Variants in PTPRD observed in about 807,000 individuals in gnomAD.
The protein encoded by PTPRD is receptor-type tyrosine-protein phosphatase delta.
A neutral mutation model predicts 214.5 loss-of-function variants in PTPRD; 34 were observed. That is an observed-to-expected ratio of 0.16 (90% CI 0.12 to 0.21). The LOEUF (loss-of-function observed/expected upper bound fraction) is 0.21, where lower values mean the gene tolerates loss of function less well. Ranked by LOEUF, PTPRD falls within the 10% of genes least tolerant of loss-of-function variation. The pLI is 1.00. For missense variants in PTPRD, 2,545 were observed against 2,398.7 expected, an observed-to-expected ratio of 1.06 and a Z score of -1.27; for synonymous variants, 1,128 against 845.7, an observed-to-expected ratio of 1.33 and a Z score of -5.79.
chr9:10,576,471 G>A (rs2069371151), intron 2 of PTPRD, among the ~76,000 whole-genome samples: 1 of 152,026 alleles, frequency 6.6e-6, no homozygotes, highest in Non-Finnish European at 1.5e-5. Flanking sequence ...GAAATTCAGG[G>A]TCCACGTAAA....
chr9:9,137,945 GC>G (rs1300768984), intron 10 of PTPRD, among the ~76,000 whole-genome samples: 2 of 152,114 alleles, frequency 1.3e-5, no homozygotes, highest in Non-Finnish European at 2.9e-5. Flanking sequence ...AAGAATTCAT[GC>G]ATCAGGTATT....
rs1852047299 is a variant in PTPRD, at chr9:8,341,129, C to T, written c.5087G>A (p.Gly1696Glu). The change falls in exon 41 of 46, where the codon GGA (glycine) becomes GAA (glutamate). Residue 1696 changes from glycine to glutamate, a missense_variant. Coordinates refer to ENST00000381196, the MANE Select transcript of PTPRD (RefSeq NM_002839.4). The stretch of plus-strand genomic sequence containing the variant: ...AAAACTGGCATTGATGTAATCAGAT[C>T]CTTCTACTCCACGGATAGGCTGCAG... ...VCLQPIRGVE[G>E]SDYINASFID... 3 of 1,612,386 alleles carry T rather than the reference C, an allele frequency of 1.9e-6. No homozygotes were observed. The highest frequency in any genetic ancestry group is 2.5e-6 in the Non-Finnish European group (3 of 1,179,140).
At chr9:8,884,168 C>T (rs117824097) in intron 11 of PTPRD, among the ~76,000 whole-genome samples, 1 of 152,330 alleles carries the variant, frequency 6.6e-6, no homozygotes, top group East Asian at 1.9e-4. Context: ...AAACCTAGCT[C>T]CATCTGATTC....
chr9:8,788,820 A>G (rs1210736085), intron 11 of PTPRD, among the ~76,000 whole-genome samples: 3 of 152,224 alleles, frequency 2.0e-5, no homozygotes, highest in Admixed American at 2.0e-4. Flanking sequence ...TTACTCAGGA[A>G]TTGATGCAAT....
intron 3 of PTPRD, among the ~76,000 whole-genome samples, chr9:10,067,477 TAGACAC>T (rs1279051536): frequency 6.6e-6 from 1 of 151,822 alleles, no homozygotes; most frequent in Non-Finnish European, 1.5e-5. Flanking sequence ...TGTGGAAACT[TAGACAC>T]AGAAGGATAA....
chr9:9,833,477 G>T (rs1364665044), intron 5 of PTPRD, among the ~76,000 whole-genome samples: 2 of 151,908 alleles, frequency 1.3e-5, no homozygotes, highest in African/African-American at 4.8e-5. Context: ...ACAGGACCGA[G>T]GCGAAATTAA....
chr9:8,792,435 T>C (rs1004503394), intron 11 of PTPRD, among the ~76,000 whole-genome samples: 1 of 152,290 alleles, frequency 6.6e-6, no homozygotes, highest in East Asian at 1.9e-4. Flanking sequence ...AACGGCTACC[T>C]TAGCTGTCCT....
At chr9:9,678,348 A>C (rs1023338209) in intron 7 of PTPRD, among the ~76,000 whole-genome samples, 14 of 152,196 alleles carry the variant, frequency 9.2e-5, no homozygotes, top group African/African-American at 2.9e-4. Context: ...CCAAAACAAC[A>C]TGGTACTGGT....
At chr9:9,092,481 G>A (rs146183341) in intron 10 of PTPRD, among the ~76,000 whole-genome samples, 3 of 151,912 alleles carry the variant, frequency 2.0e-5, no homozygotes, top group Non-Finnish European at 2.9e-5. Context: ...TCATGGACAA[G>A]GGAAGTGTAT....
At chr9:9,933,321 T>C (rs1602721317) in intron 5 of PTPRD, among the ~76,000 whole-genome samples, 1 of 152,072 alleles carries the variant, frequency 6.6e-6, no homozygotes, top group Non-Finnish European at 1.5e-5. Context: ...GTGTGCTGTA[T>C]TCAGGAAACC....
intron 2 of PTPRD, among the ~76,000 whole-genome samples, chr9:10,600,872 G>C (rs2077788147): frequency 6.6e-6 from 1 of 151,626 alleles, no homozygotes; most frequent in Non-Finnish European, 1.5e-5. Context: ...AAGAGAAAAT[G>C]CATATAATAT....
intron 4 of PTPRD, among the ~76,000 whole-genome samples, chr9:9,967,986 GC>G (rs1203511892): frequency 1.3e-5 from 2 of 152,062 alleles, no homozygotes; most frequent in South Asian, 2.1e-4. Flanking sequence ...CATTAGAGAA[GC>G]TTTTGTATAA....
chr9:10,324,086 C>G (rs1057004990), intron 3 of PTPRD, among the ~76,000 whole-genome samples: 1 of 151,852 alleles, frequency 6.6e-6, no homozygotes, highest in Non-Finnish European at 1.5e-5. Context: ...TAAAGCAAAC[C>G]CTTTGTAAAT....
chr9:10,222,324 C>G (rs955857895), intron 3 of PTPRD, among the ~76,000 whole-genome samples: 6 of 151,886 alleles, frequency 4.0e-5, no homozygotes, highest in Admixed American at 3.9e-4. Flanking sequence ...AATACAATAA[C>G]CATAAATCTG....
rs72706242 is a variant in PTPRD at position 8,925,858 on chromosome 9, A to T, written c.-104+92839T>A. On this transcript the variant is annotated intron_variant, in intron 11 of 45. Transcript: ENST00000381196. ...AATTTGTCAGCTGGACTATTGCAAT[A>T]TTTTTTTTTTTTTTTTTTTACTGAT... Among the ~76,000 whole-genome samples the T allele has an allele frequency of 4.3e-3, 519 of 120,098 alleles. 1 individual carries two copies. The highest frequency in any genetic ancestry group is 0.014 in the South Asian group (48 of 3,504). The allele number at this position is 120,098 out of a possible 152,430, so 78.8% of individuals were successfully genotyped here.
In PTPRD at chr9:10,250,209, A is replaced by G. The variant is rs12237243; in HGVS notation, c.-545+90754T>C. Among the ~76,000 whole-genome samples the G allele has an allele frequency of 2.0e-5, 3 of 151,980 alleles. No homozygotes were observed. In the East Asian group the frequency reaches 5.8e-4, roughly 29 times the overall value. On this transcript the variant is annotated intron_variant, in intron 3 of 45. Transcript: ENST00000381196. ...TAGGAGGCGGGAAATGAAGAATCTG[A>G]TAAAAGTGACTATAAAAAAGTAAAA...
chr9:9,077,638 G>A (rs895702371), intron 10 of PTPRD, among the ~76,000 whole-genome samples: 3 of 152,018 alleles, frequency 2.0e-5, no homozygotes, highest in East Asian at 1.9e-4. Context: ...GACTAAATGT[G>A]TATACTTATA....
chr9:10,433,284 A>G (rs2098695402), intron 2 of PTPRD, among the ~76,000 whole-genome samples: 1 of 152,062 alleles, frequency 6.6e-6, no homozygotes, highest in African/African-American at 2.4e-5. Flanking sequence ...TCATTAATAT[A>G]AAAATATATT....
At chr9:9,558,664 G>T (rs1302749876) in intron 8 of PTPRD, among the ~76,000 whole-genome samples, 1 of 152,102 alleles carries the variant, frequency 6.6e-6, no homozygotes, top group Non-Finnish European at 1.5e-5. Flanking sequence ...TCACCTCCTT[G>T]GTGATTACCA....
Sources: gnomAD v4.1 joint callset for allele counts (sites outside exome capture counted in the v4.1 genomes callset) on GRCh38, gnomAD v4.1.1 for gene constraint, MANE v1.5 for transcripts, NCBI Gene and HGNC (gene_info 2026-07-23, HGNC 2026-07-21) for gene names.